DNAH8: variants seen among roughly 807,000 people sequenced by gnomAD.
DNAH8 encodes dynein axonemal heavy chain 8, also known as axonemal beta dynein heavy chain 8.
In DNAH8, 382 loss-of-function variants were observed where a neutral mutation model predicts 562.1. The ratio of observed to expected loss-of-function variants is 0.68; its 90% CI spans 0.63 to 0.74. The LOEUF (loss-of-function observed/expected upper bound fraction) is 0.74. Among genes scored for constraint, DNAH8 ranks in the 30% least tolerant of loss-of-function variants. DNAH8 has a pLI of 0.00. For synonymous variants in DNAH8, 1,881 were observed against 1,919.4 expected (o/e 0.98, Z 0.52); for missense variants, 5,203 against 5,620.4 (o/e 0.93, Z 2.37).
chr6:38,981,298 T>C (rs1301977843), intron 85 of DNAH8, among the ~76,000 whole-genome samples: 2 of 152,144 alleles, frequency 1.3e-5, no homozygotes, highest in South Asian at 2.1e-4. Context: ...GACTCATCTA[T>C]GTGGGTTGTT....
chr6:38,775,289 A>G (rs1017158696), intron 12 of DNAH8, among the ~76,000 whole-genome samples: 1 of 152,150 alleles, frequency 6.6e-6, no homozygotes, highest in African/African-American at 2.4e-5. Flanking sequence ...GTCAGGAATG[A>G]TTGCTGCCAT....
intron 57 of DNAH8, 101 bp from the exon 58 acceptor site, chr6:38,890,551 C>A: frequency 1.2e-6 from 1 of 837,676 alleles, no homozygotes; most frequent in Non-Finnish European, 2.0e-6. Flanking sequence ...TTCTGAACAA[C>A]ACCCAGCTTA....
At position 38,842,702 on chromosome 6, in the gene DNAH8, T is replaced by A. The variant is rs1774916300; in HGVS notation, c.4644T>A (p.Ala1548=). 1 of 1,613,474 alleles carries A rather than the reference T, an allele frequency of 6.2e-7. No individual in the cohort carries two copies. The highest frequency in any genetic ancestry group is 1.1e-5 in the South Asian group (1 of 90,894). Residue 1548 remains alanine, a synonymous_variant, in exon 35 of 93, where the codon GCT becomes GCA. Transcript: ENST00000327475. The part of the protein sequence containing the change: ...KLPKGLKDWQ[A]FLDLKKRIDD... ...CAAAAGGACTTAAAGATTGGCAAGC[T>A]TTTTTGGATCTCAAAAAGAGAATTG... is the stretch of plus-strand genomic sequence containing the variant.
chr6:38,912,066 G>A (rs1780949043), intron 66 of DNAH8, among the ~76,000 whole-genome samples: 1 of 152,224 alleles, frequency 6.6e-6, no homozygotes, highest in Non-Finnish European at 1.5e-5. Context: ...TCTGCTATAT[G>A]TAGTATAACT....
At chr6:38,935,774 T>C in intron 77 of DNAH8, 77 bp downstream of exon 77, 1 of 1,014,668 alleles carries the variant, frequency 9.9e-7, no homozygotes, top group Non-Finnish European at 1.4e-6. Flanking sequence ...AATGCCCTCA[T>C]GACTATAGAT....
intron 16 of DNAH8, among the ~76,000 whole-genome samples, chr6:38,782,442 G>T (rs774209247): frequency 6.6e-6 from 1 of 151,968 alleles, no homozygotes; most frequent in Non-Finnish European, 1.5e-5. Flanking sequence ...TACCATGCCT[G>T]GCTAATTTTT....
Position 38,862,466 on chromosome 6 carries a change from T to C in DNAH8, c.6310+8T>C. 6.3e-7 allele frequency: 1 copy of C among 1,596,548 alleles called. No individual in the cohort carries two copies. The highest frequency in any genetic ancestry group is 8.5e-7 in the Non-Finnish European group (1 of 1,172,738). ...TAGGAAGGATTTTCAAAGGCAAGTGTCAAATAATGTAGATTATTTTAGGTG... is the reference window on the plus strand; with the variant it reads ...TAGGAAGGATTTTCAAAGGCAAGTGCCAAATAATGTAGATTATTTTAGGTG... On this transcript the variant is annotated splice_region_variant and intron_variant, in intron 44 of 92. Transcript: ENST00000327475.
rs1219721344 is a variant in DNAH8 at position 38,882,952 on chromosome 6, A to T, written c.7901A>T (p.Tyr2634Phe). 1.2e-6 allele frequency: 2 copies of T among 1,604,954 alleles called. No individual in the cohort carries two copies. Among genetic ancestry groups the T allele is most frequent in the African/African-American group, 2.7e-5 (2 of 74,666 alleles). The change falls in exon 54 of 93, where the codon TAT becomes TTT. Residue 2634 changes from tyrosine (Y) to phenylalanine (F), a missense_variant. Transcript: ENST00000327475. ...AATAAGAAACTTCAGCCTTATTATTATCCAACTGACAGTATTCCGGAATAT... is the reference window on the plus strand; with the variant it reads ...AATAAGAAACTTCAGCCTTATTATTTTCCAACTGACAGTATTCCGGAATAT... ...HWNKKLQPYYYPTDSIPEYSS... is the reference protein window; with the variant it reads ...HWNKKLQPYYFPTDSIPEYSS...
chr6:38,905,851 C>T (rs570467309), intron 62 of DNAH8, among the ~76,000 whole-genome samples: 1 of 152,146 alleles, frequency 6.6e-6, no homozygotes, highest in East Asian at 1.9e-4. Flanking sequence ...TAATCACAGG[C>T]TATTATTATG....
intron 79 of DNAH8, among the ~76,000 whole-genome samples, chr6:38,942,009 G>A (rs1179641645): frequency 6.6e-6 from 1 of 152,116 alleles, no homozygotes; most frequent in South Asian, 2.1e-4. Context: ...AGAGGCCTGA[G>A]GGAGCTCACT....
In DNAH8 at chr6:38,737,270, T is replaced by C. The variant is rs188837503; in HGVS notation, c.952+14T>C. On this transcript the variant is annotated intron_variant, in intron 6 of 92. Transcript: ENST00000327475. ...CATTTTTAGATGGTAAGTATAAAAT[T>C]TAATGTTTAGCAAATTGCAAAAAAG... 215 of 1,389,610 alleles carry C rather than the reference T, an allele frequency of 1.5e-4. No homozygotes were observed. The East Asian group carries it at 3.8e-3, about 25-fold the overall frequency. 86.1% of individuals were successfully genotyped at this position (1,389,610 alleles called of 1,614,324 possible).
At chr6:38,863,771 C>G (rs1446240692) in intron 44 of DNAH8, 102 bp from the exon 45 acceptor site, 7 of 879,118 alleles carry the variant, frequency 8.0e-6, no homozygotes, top group East Asian at 2.7e-5. Context: ...TTACATAATC[C>G]CGTTTCAATG....
intron 8 of DNAH8, among the ~76,000 whole-genome samples, chr6:38,745,220 T>A (rs1012595745): frequency 6.6e-6 from 1 of 152,166 alleles, no homozygotes; most frequent in African/African-American, 2.4e-5. Context: ...ATATTTAGGG[T>A]CATGGGGGAA....
chr6:38,917,146 T>A, intron 68 of DNAH8, 93 bp from the exon 69 acceptor site: 1 of 898,856 alleles, frequency 1.1e-6, no homozygotes, highest in Non-Finnish European at 1.5e-6. Context: ...TGTTTTAAAG[T>A]TTTCTATCTT....
In DNAH8 at chr6:38,750,606, A is replaced by C; in HGVS notation, c.1407+17A>C. On this transcript the variant is annotated intron_variant, in intron 9 of 92. Coordinates refer to ENST00000327475, the MANE Select transcript of DNAH8 (RefSeq NM_001206927.2). ...CATGACCTAGTAAGTATGCTTTTAA[A>C]GTACAATTTTAAACTGAGGGCAGTG... 6.6e-7 allele frequency: 1 copy of C among 1,509,004 alleles called. No individual in the cohort carries two copies. The highest frequency in any genetic ancestry group is 9.2e-7 in the Non-Finnish European group (1 of 1,092,022). 93.5% of individuals were successfully genotyped at this position (1,509,004 alleles called of 1,614,324 possible). A position where few individuals can be genotyped will look rare whatever the true frequency, so the allele number is the denominator to read the frequency against.
intron 11 of DNAH8, chr6:38,763,425 A>G: frequency 3.2e-6 from 1 of 316,626 alleles, no homozygotes; most frequent in Non-Finnish European, 6.1e-6. Context: ...AGAAGAACAG[A>G]GCAACAAGAG....
In DNAH8 at chr6:38,938,097, A is replaced by C. The variant is rs1320838767; in HGVS notation, c.11687A>C (p.Glu3896Ala). Residue 3896 changes from glutamate (E) to alanine (A), a missense_variant, in exon 78 of 93, where the codon GAG becomes GCG. Glu to Ala is a moderately radical substitution (Grantham distance 107, BLOSUM62 -1). Coordinates refer to ENST00000327475, the MANE Select transcript of DNAH8 (RefSeq NM_001206927.2). The stretch of plus-strand genomic sequence containing the variant: ...GAGATCAAGATCAACGCGGCTCAGG[A>C]GGAGTTCCGGCCCGCAGCCACCCGC... Reference protein sequence around the residue: ...ETEIKINAAQEEFRPAATRGS... With the variant: ...ETEIKINAAQAEFRPAATRGS... 6.2e-7 allele frequency: 1 copy of C among 1,613,922 alleles called. No homozygotes were observed. Among genetic ancestry groups the C allele is most frequent in the African/African-American group, 1.3e-5 (1 of 74,890 alleles).
At chr6:39,027,060 TAAACAAAC>T (rs80110564) in intron 92 of DNAH8, among the ~76,000 whole-genome samples, 4 of 151,230 alleles carry the variant, frequency 2.6e-5, no homozygotes, top group South Asian at 2.1e-4. Context: ...GTCTCCACCA[TAAACAAAC>T]AAACAAACAA....
At chr6:38,863,797 GCA>G in intron 44 of DNAH8, 74 bp from the exon 45 acceptor site, 1 of 1,208,652 alleles carries the variant, frequency 8.3e-7, no homozygotes. Flanking sequence ...TGGTTTGGGA[GCA>G]CTGGAGAAAT....
Sources: gnomAD v4.1 joint callset for allele counts (sites outside exome capture counted in the v4.1 genomes callset) on GRCh38, gnomAD v4.1.1 for gene constraint, MANE v1.5 for transcripts, NCBI Gene and HGNC (gene_info 2026-07-23, HGNC 2026-07-21) for gene names.